CD99L2: variants seen among roughly 807,000 people sequenced by gnomAD.
CD99L2 encodes CD99 molecule like 2, also known as CD99 antigen-like protein 2.
A neutral mutation model predicts 27.3 loss-of-function variants in CD99L2; 24 were observed. The observed-to-expected ratio is 0.88, with a 90% CI of 0.64 to 1.24. The LOEUF is 1.24. CD99L2 is among the 50% of genes most tolerant of loss of function. The pLI, the probability that CD99L2 is intolerant of heterozygous loss-of-function variation, is 0.00. For synonymous variants in CD99L2, 97 were observed against 87.9 expected (o/e 1.10, Z -0.58); for missense variants, 255 against 221.6 (o/e 1.15, Z -0.96).
chrX:150,874,181 A>C (rs966527239), intron 1 of CD99L2, among the ~76,000 whole-genome samples: 9 of 112,132 alleles, frequency 8.0e-5, no homozygotes, highest in Admixed American at 1.9e-4. Context: ...GTGAGGTGCT[A>C]CCTGATGCCA....
At chrX:150,859,262 A>G (rs1426602400) in intron 1 of CD99L2, among the ~76,000 whole-genome samples, 2 of 111,407 alleles carry the variant, frequency 1.8e-5, no homozygotes, top group African/African-American at 6.5e-5. Context: ...GCACTTTGGG[A>G]GGCCGAGGCA....
At chrX:150,882,830 T>C (rs190762980) in intron 1 of CD99L2, among the ~76,000 whole-genome samples, 20 of 111,999 alleles carry the variant, frequency 1.8e-4, no homozygotes, top group Non-Finnish European at 3.4e-4. Context: ...TAAAATATCA[T>C]TTTAAAACAT....
intron 4 of CD99L2, among the ~76,000 whole-genome samples, chrX:150,803,269 AAAGACATCAAAG>A (rs1331103683): frequency 4.5e-5 from 5 of 111,850 alleles, no homozygotes; most frequent in African/African-American, 1.6e-4. Context: ...GTTCTCAAGA[AAAGACATCAAAG>A]AAGACATAAA....
At chrX:150,770,231 T>C (rs2043419493) in intron 10 of CD99L2, 73 bp downstream of exon 10, 1 of 999,819 alleles carries the variant, frequency 1.0e-6, no homozygotes, top group African/African-American at 1.9e-5. Context: ...CCTGCTTCTC[T>C]AGCACAGTTC....
rs782782773 is a variant in CD99L2, at chrX:150,767,089, G to A, written c.*1945C>T. ...TAAAGGTAAAGTGGACAACCCCTGA[G>A]GTCACGCTGTCCAGGTGGCGACAGG... On this transcript the variant is annotated 3_prime_UTR_variant, in exon 11 of 11. Coordinates refer to ENST00000370377, the MANE Select transcript of CD99L2 (RefSeq NM_031462.4). 5.4e-5 allele frequency: 6 copies of A among 111,990 alleles called. No homozygotes were observed. The highest frequency in any genetic ancestry group is 7.5e-4 in the South Asian group (2 of 2,654). The allele number at this position is 111,990 out of a possible 1,213,427, so 9.2% of individuals were successfully genotyped here. A position where few individuals can be genotyped will look rare whatever the true frequency, so the allele number is the denominator to read the frequency against.
At chrX:150,881,246 T>C (rs1557422482) in intron 1 of CD99L2, among the ~76,000 whole-genome samples, 1 of 111,434 alleles carries the variant, frequency 9.0e-6, no homozygotes, top group African/African-American at 3.3e-5. Flanking sequence ...TCTGTGGCCT[T>C]GGCTCTATCT....
chrX:150,814,530 A>G (rs1010868604), intron 4 of CD99L2, among the ~76,000 whole-genome samples: 12 of 112,840 alleles, frequency 1.1e-4, no homozygotes, highest in Admixed American at 1.0e-3. Flanking sequence ...TTTTTGTCTT[A>G]CCAAGCATAG....
chrX:150,791,813 C>T (rs2045693829), intron 7 of CD99L2, among the ~76,000 whole-genome samples: 1 of 111,120 alleles, frequency 9.0e-6, no homozygotes, highest in Non-Finnish European at 1.9e-5. Flanking sequence ...AGACTGTCAT[C>T]GTTACCTATA....
intron 2 of CD99L2, chrX:150,829,691 C>CA (rs199873421): frequency 5.3e-4 from 107 of 203,068 alleles, no homozygotes; most frequent in Middle Eastern, 1.9e-3. Flanking sequence ...ATTAAAAAAA[C>CA]AAAAAAAAAG....
intron 1 of CD99L2, among the ~76,000 whole-genome samples, chrX:150,859,849 C>T (rs1366824061): frequency 9.1e-6 from 1 of 110,448 alleles, no homozygotes; most frequent in East Asian, 2.8e-4. Flanking sequence ...AGTCTCCCAA[C>T]AGAGAAAAGC....
At chrX:150,811,951 C>T (rs2046078213) in intron 4 of CD99L2, among the ~76,000 whole-genome samples, 1 of 111,585 alleles carries the variant, frequency 9.0e-6, no homozygotes, top group Admixed American at 9.5e-5. Flanking sequence ...GGCTTGAGCC[C>T]AGAGTTCAAG....
chrX:150,848,118 C>A (rs115994971), intron 1 of CD99L2, among the ~76,000 whole-genome samples: 19 of 107,358 alleles, frequency 1.8e-4, no homozygotes, highest in South Asian at 4.5e-4. Flanking sequence ...CAGGCCCCCC[C>A]CCCCTTGTAC....
At chrX:150,884,312 T>C (rs1162828547) in intron 1 of CD99L2, among the ~76,000 whole-genome samples, 5 of 111,850 alleles carry the variant, frequency 4.5e-5, no homozygotes, top group Admixed American at 9.5e-5. Context: ...GCATGTCACA[T>C]AGCCTCTAAA....
At chrX:150,892,632 G>C (rs1431643197) in intron 1 of CD99L2, among the ~76,000 whole-genome samples, 7 of 60,590 alleles carry the variant, frequency 1.2e-4, no homozygotes, top group Admixed American at 5.5e-4. Context: ...AAAAAAAAAA[G>C]AACAGAACAG....
At chrX:150,895,300 C>A (rs1234011588) in intron 1 of CD99L2, among the ~76,000 whole-genome samples, 6 of 111,797 alleles carry the variant, frequency 5.4e-5, no homozygotes, top group Non-Finnish European at 9.4e-5. Flanking sequence ...CACATACAGG[C>A]AGCATACCTG....
At chrX:150,840,971 T>G (rs1557421344) in intron 1 of CD99L2, among the ~76,000 whole-genome samples, 1 of 111,818 alleles carries the variant, frequency 8.9e-6, no homozygotes, top group African/African-American at 3.3e-5. Flanking sequence ...CTTGCCAATT[T>G]TCTGAAAGTT....
intron 1 of CD99L2, among the ~76,000 whole-genome samples, chrX:150,847,045 A>G (rs1185827241): frequency 1.8e-5 from 2 of 112,388 alleles, no homozygotes; most frequent in Non-Finnish European, 3.8e-5. Context: ...GGCCAGGCCA[A>G]TGCAGAGGGA....
intron 9 of CD99L2, among the ~76,000 whole-genome samples, chrX:150,774,537 G>A (rs2043516529): frequency 8.9e-6 from 1 of 112,002 alleles, no homozygotes; most frequent in South Asian, 3.7e-4. Flanking sequence ...CGGAGGGAGA[G>A]CCCACGGAGG....
rs1178420595 is a variant in CD99L2 at position 150,768,338 on chromosome X, T to G, written c.*696A>C. The G allele has an allele frequency of 8.9e-6, 1 of 112,689 alleles. No individual in the cohort carries two copies. The highest frequency in any genetic ancestry group is 3.6e-4 in the South Asian group (1 of 2,751). 9.3% of individuals were successfully genotyped at this position (112,689 alleles called of 1,213,427 possible). Reference sequence around the variant, plus strand: ...AACAGGCCTACGAATTGCTTCATACTTATCCGGAAGATTCCTAAGCTCTCA... The same window carrying G: ...AACAGGCCTACGAATTGCTTCATACGTATCCGGAAGATTCCTAAGCTCTCA... On this transcript the variant is annotated 3_prime_UTR_variant, in exon 11 of 11. Coordinates refer to ENST00000370377, the MANE Select transcript of CD99L2 (RefSeq NM_031462.4).
Sources: gnomAD v4.1 joint callset for allele counts (sites outside exome capture counted in the v4.1 genomes callset) on GRCh38, gnomAD v4.1.1 for gene constraint, MANE v1.5 for transcripts, NCBI Gene and HGNC (gene_info 2026-07-23, HGNC 2026-07-21) for gene names.